The following ERBB4 variants were observed in gnomAD, a reference collection of about 807,000 sequenced individuals.
ERBB4 encodes the protein erb-b2 receptor tyrosine kinase 4.
ERBB4 carries 42 observed loss-of-function variants against 158.0 expected under a neutral mutation model. The ratio of observed to expected loss-of-function variants is 0.27; its 90% CI spans 0.21 to 0.34. ERBB4 has a LOEUF of 0.34. ERBB4 is among the 10% of genes least tolerant of loss of function. The pLI, the probability that ERBB4 is intolerant of heterozygous loss-of-function variation, is 1.00. For missense variants in ERBB4, 1,333 were observed against 1,624.1 expected (o/e 0.82, Z 3.08); for synonymous variants, 583 against 558.7 (o/e 1.04, Z -0.61).
chr2:211,630,380 A>T, intron 17 of ERBB4, 82 bp downstream of exon 17: 5 of 1,527,060 alleles, frequency 3.3e-6, no homozygotes, highest in Non-Finnish European at 4.5e-6. Flanking sequence ...TTTTACTTGG[A>T]TTAAATAATT....
chr2:211,953,432 C>T (rs952284178), intron 2 of ERBB4, among the ~76,000 whole-genome samples: 7 of 127,174 alleles, frequency 5.5e-5, no homozygotes, highest in Middle Eastern at 5.1e-3. Context: ...GAGTTACTGG[C>T]GATGTCTTTG....
chr2:211,648,843 A>C (rs1466972337), intron 16 of ERBB4, among the ~76,000 whole-genome samples: 1 of 151,818 alleles, frequency 6.6e-6, no homozygotes, highest in Non-Finnish European at 1.5e-5. Flanking sequence ...AGTGTCCATG[A>C]AATTTGAATT....
At chr2:211,431,669 GT>G (rs2125432482) in intron 20 of ERBB4, among the ~76,000 whole-genome samples, 1 of 152,172 alleles carries the variant, frequency 6.6e-6, no homozygotes, top group Admixed American at 6.5e-5. Context: ...TACCCTAGCA[GT>G]CTTACAAACC....
rs6708040 is a variant in ERBB4, at chr2:211,660,939, G to A, written c.1872-3111C>T. On this transcript the variant is annotated intron_variant, in intron 15 of 27. Coordinates refer to ENST00000342788, the MANE Select transcript of ERBB4 (RefSeq NM_005235.3). The stretch of plus-strand genomic sequence containing the variant: ...TCAGTGTGAAAGGCAGAGAAGTCTG[G>A]TAAAATAACTCTTAAGATAATTTTA... Among the ~76,000 whole-genome samples the A allele has an allele frequency of 1.8e-3, 273 of 152,260 alleles. 1 individual carries two copies. Among genetic ancestry groups the A allele is most frequent in the African/African-American group, 6.1e-3 (253 of 41,564 alleles).
intron 1 of ERBB4, among the ~76,000 whole-genome samples, chr2:212,407,820 C>T (rs2091390751): frequency 6.6e-6 from 1 of 151,890 alleles, no homozygotes; most frequent in Non-Finnish European, 1.5e-5. Flanking sequence ...ATTTATAAAA[C>T]ATAATATCAA....
At chr2:211,869,806 A>G (rs1218356283) in intron 3 of ERBB4, among the ~76,000 whole-genome samples, 1 of 152,174 alleles carries the variant, frequency 6.6e-6, no homozygotes, top group Admixed American at 6.5e-5. Flanking sequence ...GATATTTTTA[A>G]CATATTATTT....
chr2:212,416,443 A>G (rs2091654400), intron 1 of ERBB4, among the ~76,000 whole-genome samples: 1 of 152,148 alleles, frequency 6.6e-6, no homozygotes, highest in Non-Finnish European at 1.5e-5. Flanking sequence ...AAGGGGTCAG[A>G]CATGTTTGTT....
intron 9 of ERBB4, among the ~76,000 whole-genome samples, chr2:211,707,716 G>C (rs2073503289): frequency 1.3e-5 from 2 of 152,096 alleles, no homozygotes; most frequent in African/African-American, 4.8e-5. Flanking sequence ...CTTTCCTGCA[G>C]TTCCCATTCT....
At chr2:212,477,036 C>T (rs975808834) in intron 1 of ERBB4, among the ~76,000 whole-genome samples, 2 of 152,088 alleles carry the variant, frequency 1.3e-5, no homozygotes, top group Non-Finnish European at 2.9e-5. Context: ...AGTAATGGTA[C>T]CCACATCATA....
rs568224152 is a variant in ERBB4, at chr2:211,378,592, G to A, written c.*5023C>T. On this transcript the variant is annotated 3_prime_UTR_variant, in exon 28 of 28. Coordinates refer to ENST00000342788, the MANE Select transcript of ERBB4 (RefSeq NM_005235.3). ...AACTGCAGAGAGAACTCAGATCTCT[G>A]GGATCAGAAAAATTTTATTAATTCT... 4.3e-6 allele frequency: 1 copy of A among 232,588 alleles called. No individual in the cohort carries two copies. The highest frequency in any genetic ancestry group is 1.8e-4 in the South Asian group (1 of 5,518). The allele number at this position is 232,588 out of a possible 1,614,324, so 14.4% of individuals were successfully genotyped here. A position where few individuals can be genotyped will look rare whatever the true frequency, so the allele number is the denominator to read the frequency against.
chr2:211,923,507 T>C (rs1354590151), intron 3 of ERBB4, among the ~76,000 whole-genome samples: 1 of 152,146 alleles, frequency 6.6e-6, no homozygotes, highest in Non-Finnish European at 1.5e-5. Flanking sequence ...AAATTGCTTA[T>C]ACTAGGCAAG....
intron 19 of ERBB4, among the ~76,000 whole-genome samples, chr2:211,577,856 T>C (rs1394866673): frequency 1.3e-5 from 2 of 152,138 alleles, no homozygotes; most frequent in Non-Finnish European, 2.9e-5. Context: ...GTCAGTATCA[T>C]ACCAAATGGG....
At chr2:212,099,358 G>A (rs1013668156) in intron 2 of ERBB4, among the ~76,000 whole-genome samples, 2 of 151,898 alleles carry the variant, frequency 1.3e-5, no homozygotes, top group Non-Finnish European at 2.9e-5. Flanking sequence ...TAAGTCACAT[G>A]CTATCTATCT....
intron 20 of ERBB4, among the ~76,000 whole-genome samples, chr2:211,433,494 T>C (rs1398123435): frequency 6.6e-6 from 1 of 151,324 alleles, no homozygotes; most frequent in Non-Finnish European, 1.5e-5. Context: ...GGCAGGAGGA[T>C]GGCGTGAACC....
At chr2:212,148,715 C>T (rs550770022) in intron 1 of ERBB4, among the ~76,000 whole-genome samples, 18 of 150,882 alleles carry the variant, frequency 1.2e-4, no homozygotes, top group African/African-American at 2.9e-4. Flanking sequence ...CACATGCACA[C>T]GTATGTTTAT....
intron 1 of ERBB4, among the ~76,000 whole-genome samples, chr2:212,291,222 A>G (rs185931769): frequency 4.5e-4 from 69 of 152,254 alleles, no homozygotes; most frequent in Non-Finnish European, 8.2e-4. Context: ...GTTTAAGGCA[A>G]CAACACTTCC....
At chr2:211,610,776 A>G (rs1215654700) in intron 19 of ERBB4, among the ~76,000 whole-genome samples, 2 of 152,176 alleles carry the variant, frequency 1.3e-5, no homozygotes, top group South Asian at 4.1e-4. Flanking sequence ...ATTTCCATTT[A>G]CTAAATGCAA....
chr2:211,514,566 C>T (rs1192307665), intron 20 of ERBB4, among the ~76,000 whole-genome samples: 1 of 152,150 alleles, frequency 6.6e-6, no homozygotes, highest in East Asian at 1.9e-4. Context: ...CATTCATGCA[C>T]TTACTCAGTA....
chr2:211,817,268 T>C (rs543165261), intron 3 of ERBB4, among the ~76,000 whole-genome samples: 98 of 152,320 alleles, frequency 6.4e-4, no homozygotes, highest in African/African-American at 2.3e-3. Context: ...GATACACTTA[T>C]AGATTTAGGC....
Sources: allele counts gnomAD v4.1 joint callset (sites outside exome capture counted in the v4.1 genomes callset), GRCh38; gene constraint gnomAD v4.1.1; transcripts MANE v1.5; gene names NCBI Gene and HGNC (gene_info 2026-07-23, HGNC 2026-07-21).